Variants in ATP9B observed in about 807,000 individuals in gnomAD.
ATP9B encodes the protein probable phospholipid-transporting ATPase IIB.
Under a neutral mutation model 146.1 loss-of-function variants are expected in ATP9B, and 110 were observed. The ratio of observed to expected loss-of-function variants is 0.75; its 90% CI spans 0.65 to 0.88. ATP9B has a LOEUF of 0.88. Ranked by LOEUF, ATP9B falls within the 40% of genes least tolerant of loss-of-function variation. The pLI, the probability that ATP9B is intolerant of heterozygous loss-of-function variation, is 0.00. For synonymous variants in ATP9B, 604 were observed against 569.7 expected (o/e 1.06, Z -0.86); for missense variants, 1,499 against 1,496.4 (o/e 1.00, Z -0.03).
chr18:79,133,548 T>C (rs184629354), intron 5 of ATP9B, among the ~76,000 whole-genome samples: 2 of 151,284 alleles, frequency 1.3e-5, no homozygotes, highest in East Asian at 3.9e-4. Context: ...CACTCTCAAG[T>C]GGGTAGATAC....
chr18:79,198,669 C>A (rs4799021), intron 9 of ATP9B, among the ~76,000 whole-genome samples: 85,172 of 151,962 alleles, frequency 0.56, 25,578 homozygotes, highest in African/African-American at 0.79. Flanking sequence ...GGGCAGTTGT[C>A]ACACAATGAT....
At chr18:79,372,398 G>A in intron 26 of ATP9B, 1 of 343,012 alleles carries the variant, frequency 2.9e-6, no homozygotes, top group Non-Finnish European at 5.8e-6. Flanking sequence ...CATCCTTACT[G>A]AAGAACTGTT....
chr18:79,204,717 C>T (rs1330165275), intron 9 of ATP9B, among the ~76,000 whole-genome samples: 1 of 152,178 alleles, frequency 6.6e-6, no homozygotes, highest in Non-Finnish European at 1.5e-5. Flanking sequence ...CTGGAGTCAG[C>T]ACATACTGTA....
chr18:79,366,191 C>G (rs188014304), intron 26 of ATP9B, among the ~76,000 whole-genome samples: 2 of 152,138 alleles, frequency 1.3e-5, no homozygotes, highest in African/African-American at 4.8e-5. Context: ...TAGAGGGTGA[C>G]CGGAGAGGCA....
intron 1 of ATP9B, among the ~76,000 whole-genome samples, chr18:79,094,274 T>C (rs2074598549): frequency 6.6e-6 from 1 of 152,200 alleles, no homozygotes; most frequent in South Asian, 2.1e-4. Context: ...GCCTGGGACT[T>C]CTGTTGATTC....
At chr18:79,163,746 A>G (rs1309764960) in intron 7 of ATP9B, among the ~76,000 whole-genome samples, 1 of 152,086 alleles carries the variant, frequency 6.6e-6, no homozygotes, top group Non-Finnish European at 1.5e-5. Flanking sequence ...GTGTATATAT[A>G]TATGCGTGTA....
intron 1 of ATP9B, among the ~76,000 whole-genome samples, chr18:79,088,051 T>C (rs891164487): frequency 1.3e-5 from 2 of 152,246 alleles, no homozygotes; most frequent in South Asian, 4.1e-4. Context: ...CATCATCTTA[T>C]TGTTTTTAAA....
intron 1 of ATP9B, among the ~76,000 whole-genome samples, chr18:79,071,532 C>T (rs970393962): frequency 6.6e-6 from 1 of 151,254 alleles, no homozygotes; most frequent in African/African-American, 2.4e-5. Flanking sequence ...TAGGCACATA[C>T]CACCATGCCT....
chr18:79,069,448 C>G lies in ATP9B; in HGVS notation c.38C>G (p.Ala13Gly). 9 of 1,514,474 alleles carry G rather than the reference C, an allele frequency of 5.9e-6. No homozygotes were observed. The highest frequency in any genetic ancestry group is 7.9e-6 in the Non-Finnish European group (9 of 1,134,926). The allele number at this position is 1,514,474 out of a possible 1,614,324, so 93.8% of individuals were successfully genotyped here. Residue 13 changes from alanine to glycine, a missense_variant, in exon 1 of 30, where the codon GCA (alanine) becomes GGA (glycine). Physicochemically the swap from Ala to Gly is moderately conservative, Grantham distance 60. Coordinates refer to ENST00000426216, the MANE Select transcript of ATP9B (RefSeq NM_198531.5). ...DQIPLYPVRSAAAAAANRKRA... is the reference protein window; with the variant it reads ...DQIPLYPVRSGAAAAANRKRA... ...ATCCCGCTTTACCCGGTGCGTAGCG[C>G]AGCGGCGGCCGCAGCCAACCGCAAA...
chr18:79,076,046 C>T (rs1178696690), intron 1 of ATP9B, among the ~76,000 whole-genome samples: 1 of 152,088 alleles, frequency 6.6e-6, no homozygotes, highest in Non-Finnish European at 1.5e-5. Context: ...AGCTTTACCT[C>T]TTTAAATCCC....
chr18:79,287,969 G>A (rs2096461987), intron 13 of ATP9B, among the ~76,000 whole-genome samples: 1 of 151,530 alleles, frequency 6.6e-6, no homozygotes, highest in Admixed American at 6.6e-5. Context: ...TGATTGCATT[G>A]TGGTCTGAGA....
intron 11 of ATP9B, among the ~76,000 whole-genome samples, chr18:79,231,803 T>TATATATATACACACACAC (rs569726473): frequency 7.0e-5 from 8 of 114,754 alleles, no homozygotes; most frequent in African/African-American, 2.7e-4. Flanking sequence ...TATATATATA[T>TATATATATACACACACAC]ACACACACAC....
intron 13 of ATP9B, among the ~76,000 whole-genome samples, chr18:79,290,164 T>G (rs960246437): frequency 6.6e-6 from 1 of 152,220 alleles, no homozygotes; most frequent in Non-Finnish European, 1.5e-5. Context: ...CAGGGACATT[T>G]AAGTCTGCAG....
chr18:79,352,566 A>G (rs1306347313), intron 25 of ATP9B: 1 of 152,240 alleles, frequency 6.6e-6, no homozygotes, highest in Non-Finnish European at 1.5e-5. Flanking sequence ...CACATCTAGA[A>G]CGAACAGCCA....
intron 7 of ATP9B, among the ~76,000 whole-genome samples, chr18:79,168,752 T>G (rs906299800): frequency 1.2e-4 from 18 of 152,192 alleles, no homozygotes; most frequent in African/African-American, 4.1e-4. Context: ...TGTGGGCAAG[T>G]CTGGAGTACA....
rs73971526 is a variant in ATP9B at position 79,213,707 on chromosome 18, G to C, written c.1031-255G>C. 4.9e-3 allele frequency among the ~76,000 whole-genome samples: 749 copies of C among 152,184 alleles called. 11 individuals are homozygous for C. Among genetic ancestry groups the C allele is most frequent in the African/African-American group, 0.017 (707 of 41,534 alleles). ...TCATTATCTCTATTGTCAGTGAAAA[G>C]AATATTAGTACGTTTCCTAATGTTA... On this transcript the variant is annotated intron_variant, in intron 10 of 29. Coordinates refer to ENST00000426216, the MANE Select transcript of ATP9B (RefSeq NM_198531.5).
At chr18:79,226,797 G>A (rs144717488) in intron 11 of ATP9B, among the ~76,000 whole-genome samples, 10 of 152,288 alleles carry the variant, frequency 6.6e-5, no homozygotes, top group African/African-American at 1.2e-4. Flanking sequence ...AGTGCTCTAC[G>A]GGATAAGTGC....
Position 79,345,829 on chromosome 18 carries a change from T to C in ATP9B, c.2672T>C (p.Ile891Thr), listed in dbSNP as rs1270690372. ...CAGGCAGCAGACTGTGGGATTGGGA[T>C]TGAGGGAAAGGTAGGTTCGCCCTTT... ...MIQAADCGIG[I>T]EGKEGKQASL... The change falls in exon 23 of 30, where the codon ATT becomes ACT. Residue 891 changes from isoleucine (I) to threonine (T), a missense_variant. Ile to Thr is a moderately conservative substitution (Grantham distance 89, BLOSUM62 -1). Transcript: ENST00000426216. The C allele has an allele frequency of 6.2e-7, 1 of 1,614,216 alleles. No individual in the cohort carries two copies. Among genetic ancestry groups the C allele is most frequent in the Admixed American group, 1.7e-5 (1 of 60,026 alleles).
intron 11 of ATP9B, among the ~76,000 whole-genome samples, chr18:79,252,321 C>T (rs2096033535): frequency 6.6e-6 from 1 of 152,250 alleles, no homozygotes; most frequent in Non-Finnish European, 1.5e-5. Flanking sequence ...GGTTATGCCG[C>T]TAAGTGGCAG....
Sources: allele counts gnomAD v4.1 joint callset (sites outside exome capture counted in the v4.1 genomes callset), GRCh38; gene constraint gnomAD v4.1.1; transcripts MANE v1.5; gene names NCBI Gene and HGNC (gene_info 2026-07-23, HGNC 2026-07-21).